The following CNTN6 variants were observed in gnomAD, a reference collection of about 807,000 sequenced individuals.
CNTN6 encodes the protein contactin 6.
Under a neutral mutation model 122.8 loss-of-function variants are expected in CNTN6, and 137 were observed. That is an observed-to-expected ratio of 1.12 (90% CI 0.97 to 1.29). The LOEUF is 1.29. Among genes scored for constraint, CNTN6 ranks in the 50% most tolerant of loss-of-function variants. The pLI, the probability that CNTN6 is intolerant of heterozygous loss-of-function variation, is 0.00. For synonymous variants in CNTN6, 570 were observed against 426.0 expected, an observed-to-expected ratio of 1.34 and a Z score of -4.16; for missense variants, 1,634 against 1,223.4, an observed-to-expected ratio of 1.34 and a Z score of -5.01.
At chr3:1,182,175 T>C (rs1220725205) in intron 2 of CNTN6, among the ~76,000 whole-genome samples, 2 of 152,178 alleles carry the variant, frequency 1.3e-5, no homozygotes, top group East Asian at 1.9e-4. Flanking sequence ...TCAGGAATTG[T>C]GGAAGAATCT....
chr3:1,241,496 T>C (rs1198546408), intron 4 of CNTN6, among the ~76,000 whole-genome samples: 1 of 151,998 alleles, frequency 6.6e-6, no homozygotes, highest in Non-Finnish European at 1.5e-5. Context: ...CTGGATATGG[T>C]TTTGGATGAA....
At chr3:1,114,813 CA>C (rs1233678075) in intron 1 of CNTN6, among the ~76,000 whole-genome samples, 1 of 152,034 alleles carries the variant, frequency 6.6e-6, no homozygotes, top group Non-Finnish European at 1.5e-5. Flanking sequence ...ATTTCATTTT[CA>C]ATGAAACATA....
At chr3:1,348,417 C>T (rs947876172) in intron 11 of CNTN6, among the ~76,000 whole-genome samples, 5 of 151,978 alleles carry the variant, frequency 3.3e-5, no homozygotes, top group East Asian at 1.9e-4. Context: ...AGCAGGGGAA[C>T]GGATATTAAG....
chr3:1,142,773 A>G (rs1375116262), intron 1 of CNTN6, among the ~76,000 whole-genome samples: 2 of 151,992 alleles, frequency 1.3e-5, no homozygotes, highest in Non-Finnish European at 2.9e-5. Context: ...GCAAAGAGCC[A>G]GATTTGGTCA....
intron 2 of CNTN6, among the ~76,000 whole-genome samples, chr3:1,182,804 A>T (rs779482091): frequency 6.6e-6 from 1 of 152,134 alleles, no homozygotes; most frequent in Non-Finnish European, 1.5e-5. Flanking sequence ...GCATCTATGA[A>T]TATTTTTTCT....
At chr3:1,336,062 A>AAAC (rs1157259994) in intron 11 of CNTN6, among the ~76,000 whole-genome samples, 2 of 31,248 alleles carry the variant, frequency 6.4e-5, no homozygotes, top group East Asian at 4.7e-4. Flanking sequence ...ACAAACAAAC[A>AAAC]AACAACAACA....
intron 2 of CNTN6, among the ~76,000 whole-genome samples, chr3:1,212,211 T>C (rs13078954): frequency 0.48 from 71,742 of 149,346 alleles, 19,626 homozygotes; most frequent in African/African-American, 0.75. Flanking sequence ...TTTCAGTGTC[T>C]ACCTATTCCA....
At chr3:1,182,897 C>T (rs965665974) in intron 2 of CNTN6, among the ~76,000 whole-genome samples, 4 of 152,002 alleles carry the variant, frequency 2.6e-5, no homozygotes, top group East Asian at 1.9e-4. Flanking sequence ...TATACCTTTT[C>T]GACAGATTCA....
At chr3:1,177,883 C>T (rs2093479443) in intron 2 of CNTN6, among the ~76,000 whole-genome samples, 2 of 146,168 alleles carry the variant, frequency 1.4e-5, no homozygotes, top group Non-Finnish European at 3.0e-5. Context: ...TTCTTAAACT[C>T]CCCCTGCCCT....
chr3:1,211,644 C>G (rs1019120820), intron 2 of CNTN6, among the ~76,000 whole-genome samples: 1 of 152,024 alleles, frequency 6.6e-6, no homozygotes, highest in African/African-American at 2.4e-5. Context: ...TTCTGTTCCC[C>G]CCCACCCTCT....
chr3:1,399,919 A>C (rs1695468875), intron 20 of CNTN6, among the ~76,000 whole-genome samples: 1 of 152,132 alleles, frequency 6.6e-6, no homozygotes, highest in Admixed American at 6.6e-5. Flanking sequence ...GCATACAGGG[A>C]AACATTTCTC....
At chr3:1,313,873 A>G (rs1311800529) in intron 7 of CNTN6, among the ~76,000 whole-genome samples, 1 of 152,040 alleles carries the variant, frequency 6.6e-6, no homozygotes, top group African/African-American at 2.4e-5. Flanking sequence ...TCTCTGGTTC[A>G]TCTAGCTGTG....
chr3:1,335,438 A>G (rs1702914724), intron 11 of CNTN6, among the ~76,000 whole-genome samples: 1 of 152,170 alleles, frequency 6.6e-6, no homozygotes, highest in African/African-American at 2.4e-5. Context: ...TTGATTAATC[A>G]CTTCTTTTTT....
intron 4 of CNTN6, among the ~76,000 whole-genome samples, chr3:1,234,549 C>T (rs2094397505): frequency 6.6e-6 from 1 of 151,902 alleles, no homozygotes; most frequent in African/African-American, 2.4e-5. Context: ...AAATTAAGAC[C>T]CAGCAGAAGA....
chr3:1,221,360 T>C (rs1402271817), intron 3 of CNTN6, among the ~76,000 whole-genome samples: 4 of 152,258 alleles, frequency 2.6e-5, no homozygotes, highest in Admixed American at 2.6e-4. Context: ...CAGCCTCAGT[T>C]GCTGCATATG....
rs536396259 is a variant in CNTN6, at chr3:1,317,021, A to G, written c.762-4629A>G. Reference sequence around the variant, plus strand: ...TCTGCCTCTGTACCTTACATTACCAATGATAAGCAAGAGGAACATGGCATT... The same window carrying G: ...TCTGCCTCTGTACCTTACATTACCAGTGATAAGCAAGAGGAACATGGCATT... On this transcript the variant is annotated intron_variant, in intron 7 of 22. Transcript: ENST00000446702. Among the ~76,000 whole-genome samples, 6 of 152,004 alleles carry G rather than the reference A, an allele frequency of 3.9e-5. No homozygotes were observed. In the South Asian group the frequency reaches 1.2e-3, roughly 32 times the overall value.
intron 12 of CNTN6, among the ~76,000 whole-genome samples, chr3:1,359,135 G>A (rs925433943): frequency 1.8e-4 from 27 of 152,144 alleles, no homozygotes; most frequent in African/African-American, 6.3e-4. Context: ...TTGGAGAATA[G>A]TCTGAATGAA....
Position 1,404,212 on chromosome 3 carries a change from A to G in CNTN6, c.*794A>G, listed in dbSNP as rs533105086. ...ATTTTTATAATAAAACAATGTGGAA[A>G]CAGAATTATTTGATCAAGTTTTCTA... On this transcript the variant is annotated 3_prime_UTR_variant, in exon 23 of 23. Coordinates refer to ENST00000446702, the MANE Select transcript of CNTN6 (RefSeq NM_001289080.2). 51 of 152,260 alleles carry G rather than the reference A, an allele frequency of 3.3e-4. No individual in the cohort carries two copies. The highest frequency in any genetic ancestry group is 5.7e-4 in the Non-Finnish European group (39 of 68,026). 9.4% of individuals were successfully genotyped at this position (152,260 alleles called of 1,614,324 possible). A position where few individuals can be genotyped will look rare whatever the true frequency, so the allele number is the denominator to read the frequency against.
chr3:1,140,015 G>C (rs368577484), intron 1 of CNTN6, among the ~76,000 whole-genome samples: 3 of 152,104 alleles, frequency 2.0e-5, no homozygotes, highest in East Asian at 3.9e-4. Flanking sequence ...GCCATTTCTA[G>C]TTTATATTAA....
Sources: allele counts gnomAD v4.1 joint callset (sites outside exome capture counted in the v4.1 genomes callset), GRCh38; gene constraint gnomAD v4.1.1; transcripts MANE v1.5; gene names NCBI Gene and HGNC (gene_info 2026-07-23, HGNC 2026-07-21).